The following RYR2 variants were observed in gnomAD, a reference collection of about 807,000 sequenced individuals.
RYR2 encodes cardiac muscle ryanodine receptor-calcium release channel.
RYR2 carries 227 observed loss-of-function variants against 601.1 expected under a neutral mutation model. The ratio of observed to expected loss-of-function variants is 0.38; its 90% CI spans 0.34 to 0.42. The LOEUF (loss-of-function observed/expected upper bound fraction) is 0.42, where lower values mean the gene tolerates loss of function less well. Ranked by LOEUF, RYR2 falls within the 10% of genes least tolerant of loss-of-function variation. RYR2 has a pLI of 1.00. For missense variants in RYR2, 4,646 were observed against 6,156.5 expected (o/e 0.75, Z 8.21); for synonymous variants, 2,223 against 2,175.1 (o/e 1.02, Z -0.61).
At chr1:237,084,694 T>C (rs1342731803) in intron 1 of RYR2, among the ~76,000 whole-genome samples, 1 of 152,244 alleles carries the variant, frequency 6.6e-6, no homozygotes, top group African/African-American at 2.4e-5. Context: ...CCAGTGTCAC[T>C]GGTTAGGGAA....
chr1:237,744,151 A>G (rs746262894), intron 80 of RYR2, among the ~76,000 whole-genome samples: 9 of 152,158 alleles, frequency 5.9e-5, no homozygotes, highest in Non-Finnish European at 1.3e-4. Context: ...CTAGATGACT[A>G]TTTCTCTCTT....
intron 1 of RYR2, among the ~76,000 whole-genome samples, chr1:237,215,476 G>T (rs1433343457): frequency 6.6e-6 from 1 of 152,018 alleles, no homozygotes; most frequent in African/African-American, 2.4e-5. Context: ...AAGCATATTT[G>T]ACTTCATATT....
intron 1 of RYR2, among the ~76,000 whole-genome samples, chr1:237,071,444 G>A (rs938878541): frequency 2.0e-5 from 3 of 151,932 alleles, no homozygotes; most frequent in African/African-American, 2.4e-5. Flanking sequence ...GGCTGGTCTC[G>A]AACTCCTGAC....
intron 98 of RYR2, among the ~76,000 whole-genome samples, chr1:237,803,507 A>G (rs111656057): frequency 0.026 from 3,928 of 152,042 alleles, 147 homozygotes; most frequent in African/African-American, 0.087. Context: ...TCACCATGTT[A>G]GCCAGGATGG....
chr1:237,558,494 C>T (rs896006860), intron 27 of RYR2, among the ~76,000 whole-genome samples: 2 of 151,956 alleles, frequency 1.3e-5, no homozygotes, highest in African/African-American at 2.4e-5. Context: ...TTGGAGGGTC[C>T]CTTGTATGTG....
chr1:237,657,992 A>G lies in RYR2; in HGVS notation c.8178A>G (p.Glu2726=). 1 of 1,515,080 alleles carries G rather than the reference A, an allele frequency of 6.6e-7. No individual in the cohort carries two copies. The highest frequency in any genetic ancestry group is 8.9e-7 in the Non-Finnish European group (1 of 1,128,690). The allele number at this position is 1,515,080 out of a possible 1,614,324, so 93.9% of individuals were successfully genotyped here. Reference sequence around the variant, plus strand: ...AATACTTCATTAACAAATATGCAGAACACTCCCATGACAAATGGTCAATGG... The same window carrying G: ...AATACTTCATTAACAAATATGCAGAGCACTCCCATGACAAATGGTCAATGG... ...KLEYFINKYA[E]HSHDKWSMDK... Residue 2726 remains glutamate (E), a synonymous_variant, in exon 54 of 105, where the codon GAA becomes GAG. Coordinates refer to ENST00000366574, the MANE Select transcript of RYR2 (RefSeq NM_001035.3).
intron 62 of RYR2, among the ~76,000 whole-genome samples, chr1:237,686,025 G>A (rs955704450): frequency 6.6e-6 from 1 of 152,128 alleles, no homozygotes; most frequent in African/African-American, 2.4e-5. Flanking sequence ...CCTCACAAAC[G>A]TTACCTTCTC....
intron 1 of RYR2, among the ~76,000 whole-genome samples, chr1:237,108,725 T>C (rs1415714): frequency 0.7 from 106,042 of 152,046 alleles, 37,185 homozygotes; most frequent in Middle Eastern, 0.81. Context: ...AAAGCATCTC[T>C]TTTACACACC....
At chr1:237,181,320 A>G (rs528975609) in intron 1 of RYR2, among the ~76,000 whole-genome samples, 1 of 150,626 alleles carries the variant, frequency 6.6e-6, no homozygotes, top group South Asian at 2.1e-4. Flanking sequence ...TCTAATCCTC[A>G]CAGTAGCCCA....
intron 10 of RYR2, among the ~76,000 whole-genome samples, chr1:237,391,183 G>A (rs1396256677): frequency 7.2e-5 from 11 of 152,014 alleles, no homozygotes; most frequent in African/African-American, 1.4e-4. Flanking sequence ...ATTTCCCTAG[G>A]TCATTGTAAG....
chr1:237,220,171 C>T (rs1683654658), intron 1 of RYR2, among the ~76,000 whole-genome samples: 2 of 152,166 alleles, frequency 1.3e-5, no homozygotes, highest in African/African-American at 4.8e-5. Context: ...ACGTGAGAGT[C>T]AGAGGACTCT....
intron 84 of RYR2, among the ~76,000 whole-genome samples, chr1:237,765,687 A>G (rs1277497015): frequency 6.6e-6 from 1 of 152,204 alleles, no homozygotes; most frequent in Non-Finnish European, 1.5e-5. Context: ...GTAGTTTAGT[A>G]TTCTGTGTAC....
intron 2 of RYR2, among the ~76,000 whole-genome samples, chr1:237,314,769 A>G (rs915864413): frequency 1.3e-5 from 2 of 152,182 alleles, no homozygotes; most frequent in Non-Finnish European, 2.9e-5. Context: ...TGTCTTAAAG[A>G]TATTTAATTT....
chr1:237,730,337 A>T lies in RYR2; in HGVS notation c.10916A>T (p.Lys3639Ile), dbSNP rs1312457776. The T allele has an allele frequency of 6.3e-7, 1 of 1,580,954 alleles. No individual in the cohort carries two copies. The highest frequency in any genetic ancestry group is 2.2e-5 in the East Asian group (1 of 44,704). Residue 3639 changes from lysine to isoleucine, a missense_variant, in exon 77 of 105, where the codon AAA becomes ATA. Lys to Ile is a moderately radical substitution (Grantham distance 102, BLOSUM62 -3). Coordinates refer to ENST00000366574, the MANE Select transcript of RYR2 (RefSeq NM_001035.3). The stretch of plus-strand genomic sequence containing the variant: ...ACAGAAGAACATTACTTTGAAGATA[A>T]ACTGATAGAAGATTTAGCAGTATGT... ...IETEEHYFEDKLIEDLAKPGA... is the reference protein window; with the variant it reads ...IETEEHYFEDILIEDLAKPGA...
intron 6 of RYR2, among the ~76,000 whole-genome samples, chr1:237,373,869 A>G (rs147568461): frequency 1.0e-3 from 156 of 152,366 alleles, no homozygotes; most frequent in African/African-American, 3.6e-3. Context: ...AAACAAAACT[A>G]GAAGATAAAA....
chr1:237,678,255 T>A (rs1354270378), intron 61 of RYR2, 143 bp downstream of exon 61: 1 of 587,486 alleles, frequency 1.7e-6, no homozygotes, highest in African/African-American at 1.8e-5. Flanking sequence ...TGAAAATAAC[T>A]GCATGAATCA....
At chr1:237,157,833 C>T (rs1415672661) in intron 1 of RYR2, among the ~76,000 whole-genome samples, 1 of 152,052 alleles carries the variant, frequency 6.6e-6, no homozygotes, top group Non-Finnish European at 1.5e-5. Context: ...AATAGGGTGA[C>T]TATAACTAAC....
intron 1 of RYR2, among the ~76,000 whole-genome samples, chr1:237,237,688 C>A (rs1471299664): frequency 6.6e-6 from 1 of 152,166 alleles, no homozygotes; most frequent in African/African-American, 2.4e-5. Context: ...AATGGCTCTG[C>A]AAAGCTACCT....
intron 79 of RYR2, among the ~76,000 whole-genome samples, chr1:237,739,389 A>C (rs958099767): frequency 6.6e-6 from 1 of 152,082 alleles, no homozygotes; most frequent in Non-Finnish European, 1.5e-5. Context: ...ATTCCTTAGA[A>C]TGTCTCTTTA....
Sources: allele counts gnomAD v4.1 joint callset (sites outside exome capture counted in the v4.1 genomes callset), GRCh38; gene constraint gnomAD v4.1.1; transcripts MANE v1.5; gene names NCBI Gene and HGNC (gene_info 2026-07-23, HGNC 2026-07-21).